MEF2C: variants seen among roughly 807,000 people sequenced by gnomAD.
MEF2C encodes myocyte-specific enhancer factor 2C.
MEF2C carries 6 observed loss-of-function variants against 50.5 expected under a neutral mutation model. The observed-to-expected ratio is 0.12, with a 90% CI of 0.07 to 0.23. The LOEUF is 0.23. Among genes scored for constraint, MEF2C ranks in the 10% least tolerant of loss-of-function variants. The pLI is 1.00. For missense variants in MEF2C, 276 were observed against 605.0 expected (o/e 0.46, Z 5.70); for synonymous variants, 183 against 228.0 (o/e 0.80, Z 1.78).
intron 4 of MEF2C, among the ~76,000 whole-genome samples, chr5:88,756,030 T>C (rs906443375): frequency 6.6e-6 from 1 of 152,254 alleles, no homozygotes; most frequent in Admixed American, 6.5e-5. Flanking sequence ...TGTGATTGGC[T>C]AAGCAGTCAA....
chr5:88,891,437 G>T (rs564293258), intron 1 of MEF2C, among the ~76,000 whole-genome samples: 11 of 125,230 alleles, frequency 8.8e-5, no homozygotes, highest in African/African-American at 3.6e-4. Flanking sequence ...TCGCTCTGTC[G>T]CCCAGGCTTG....
chr5:88,771,630 C>G, intron 3 of MEF2C: 2 of 984,760 alleles, frequency 2.0e-6, no homozygotes, highest in Non-Finnish European at 2.4e-6. Flanking sequence ...TGGACTCAAC[C>G]AAGATTCTCA....
intron 6 of MEF2C, 28 bp from the exon 7 acceptor site, chr5:88,731,929 A>G (rs1761850058): frequency 6.3e-7 from 1 of 1,591,702 alleles, no homozygotes; most frequent in Non-Finnish European, 8.6e-7. Context: ...TAAAGCATTT[A>G]GGAAGAAATC....
intron 3 of MEF2C, among the ~76,000 whole-genome samples, chr5:88,763,656 C>CT (rs1216067217): frequency 0.01 from 1,483 of 141,304 alleles, 21 homozygotes; most frequent in African/African-American, 0.029. Flanking sequence ...TTCTTTCTTT[C>CT]TTTTTTTTTT....
At chr5:88,842,144 G>A (rs1332286029) in intron 1 of MEF2C, among the ~76,000 whole-genome samples, 1 of 151,984 alleles carries the variant, frequency 6.6e-6, no homozygotes, top group Non-Finnish European at 1.5e-5. Context: ...ATGCTACATA[G>A]TATATTTTAT....
At chr5:88,803,119 T>TA (rs988845391) in intron 3 of MEF2C, among the ~76,000 whole-genome samples, 1 of 152,210 alleles carries the variant, frequency 6.6e-6, no homozygotes, top group African/African-American at 2.4e-5. Flanking sequence ...TATATGCAAA[T>TA]AAAAAACTAT....
chr5:88,750,373 T>A (rs571652518), intron 5 of MEF2C, among the ~76,000 whole-genome samples: 4 of 148,764 alleles, frequency 2.7e-5, no homozygotes, highest in Middle Eastern at 3.2e-3. Context: ...CTAGTTAATT[T>A]AAAAAAAAAA....
chr5:88,802,187 C>T (rs1009627782), intron 3 of MEF2C, among the ~76,000 whole-genome samples: 1 of 152,220 alleles, frequency 6.6e-6, no homozygotes, highest in African/African-American at 2.4e-5. Flanking sequence ...TCCTGTTTTA[C>T]AAGTATTGCT....
chr5:88,816,465 CTTTTTTTTTTTT>C (rs70996497), intron 2 of MEF2C, among the ~76,000 whole-genome samples: 1 of 86,142 alleles, frequency 1.2e-5, no homozygotes, highest in African/African-American at 4.7e-5. Flanking sequence ...CTGCCTACTG[CTTTTTTTTTTTT>C]TTTTTTTTTT....
chr5:88,751,052 G>A (rs1015675578), intron 5 of MEF2C: 20 of 971,804 alleles, frequency 2.1e-5, no homozygotes, highest in South Asian at 4.8e-5. Flanking sequence ...TATTCAATAC[G>A]CATTGACTTG....
At chr5:88,889,109 CTTT>C (rs1834263868) in intron 1 of MEF2C, 1 of 152,180 alleles carries the variant, frequency 6.6e-6, no homozygotes, top group Non-Finnish European at 1.5e-5. Context: ...GTGCCCACTT[CTTT>C]GTTTGGAAAG....
intron 6 of MEF2C, among the ~76,000 whole-genome samples, chr5:88,744,456 G>A (rs563300389): frequency 1.3e-5 from 2 of 152,302 alleles, no homozygotes; most frequent in East Asian, 3.9e-4. Context: ...AGGAGGCTGA[G>A]GCAGGAGAGT....
chr5:88,822,752 G>A (rs1042540449), intron 2 of MEF2C, among the ~76,000 whole-genome samples: 1 of 151,916 alleles, frequency 6.6e-6, no homozygotes, highest in Non-Finnish European at 1.5e-5. Flanking sequence ...TTACAGTCTG[G>A]TGGTTGTCCC....
intron 4 of MEF2C, among the ~76,000 whole-genome samples, chr5:88,755,721 G>T (rs1774992298): frequency 6.6e-6 from 1 of 152,170 alleles, no homozygotes; most frequent in Non-Finnish European, 1.5e-5. Context: ...ACTGTTAATA[G>T]GTATCTAAGG....
intron 8 of MEF2C, 130 bp from the exon 9 acceptor site, chr5:88,729,477 T>A: frequency 1.2e-6 from 1 of 865,950 alleles, no homozygotes; most frequent in Non-Finnish European, 1.8e-6. Flanking sequence ...ATTTAACATG[T>A]GTCTCTATGA....
At chr5:88,791,397 C>T (rs1793680079) in intron 3 of MEF2C, among the ~76,000 whole-genome samples, 3 of 152,136 alleles carry the variant, frequency 2.0e-5, no homozygotes, top group Admixed American at 1.3e-4. Context: ...AATTATATTA[C>T]TGATAAAAGT....
At position 88,717,997 on chromosome 5, in the gene MEF2C, C is replaced by T. The variant is rs1265156125; in HGVS notation, c.*4607G>A. 1 of 152,030 alleles carries T rather than the reference C, an allele frequency of 6.6e-6. No homozygotes were observed. The highest frequency in any genetic ancestry group is 1.5e-5 in the Non-Finnish European group (1 of 67,984). 9.4% of individuals were successfully genotyped at this position (152,030 alleles called of 1,614,324 possible). A position where few individuals can be genotyped will look rare whatever the true frequency, so the allele number is the denominator to read the frequency against. Reference sequence around the variant, plus strand: ...AACTTCTTTGATAAAGAAGTTGAACCATTCAATAAGAACCTTAGACTTCCA... The same window carrying T: ...AACTTCTTTGATAAAGAAGTTGAACTATTCAATAAGAACCTTAGACTTCCA... On this transcript the variant is annotated 3_prime_UTR_variant, in exon 11 of 11. Coordinates refer to ENST00000504921, the MANE Select transcript of MEF2C (RefSeq NM_002397.5).
chr5:88,735,548 T>C, intron 6 of MEF2C: 1 of 974,490 alleles, frequency 1.0e-6, no homozygotes, highest in Non-Finnish European at 1.2e-6. Context: ...TTCATTTGAT[T>C]AAAAATATTG....
At position 88,737,694 on chromosome 5, in the gene MEF2C, CAG is replaced by C. The variant is rs537523797; in HGVS notation, c.638-5795_638-5794del. The stretch of plus-strand genomic sequence containing the variant: ...CTTTGCGGAGAGAAGGAATGCAGGA[CAG>C]AGAGATCTCAGAGTTTAGAAGGAGG... On this transcript the variant is annotated intron_variant, in intron 6 of 10. Transcript: ENST00000504921. The C allele has an allele frequency of 9.3e-5, 92 of 985,244 alleles. No homozygotes were observed. The African/African-American group carries it at 1.5e-3, about 16-fold the overall frequency. The allele number at this position is 985,244 out of a possible 1,614,324, so 61.0% of individuals were successfully genotyped here.
Sources: gnomAD v4.1 joint callset for allele counts (sites outside exome capture counted in the v4.1 genomes callset) on GRCh38, gnomAD v4.1.1 for gene constraint, MANE v1.5 for transcripts, NCBI Gene and HGNC (gene_info 2026-07-23, HGNC 2026-07-21) for gene names.